UMAD1: variants seen among roughly 807,000 people sequenced by gnomAD.
UMAD1 encodes UBAP1-MVB12-associated (UMA)-domain containing protein 1.
In UMAD1, 8 loss-of-function variants were observed where a neutral mutation model predicts 6.1. The observed-to-expected ratio is 1.30, with a 90% CI of 0.76 to 2.35. The LOEUF is 2.35. Ranked by LOEUF, UMAD1 falls within the 30% of genes most tolerant of loss-of-function variation. The pLI is 0.00. For missense variants in UMAD1, 130 were observed against 78.4 expected, an observed-to-expected ratio of 1.66 and a Z score of -2.49; for synonymous variants, 56 against 31.4, an observed-to-expected ratio of 1.78 and a Z score of -2.61.
intron 3 of UMAD1, among the ~76,000 whole-genome samples, chr7:7,854,866 G>T (rs560384784): frequency 6.6e-6 from 1 of 152,290 alleles, no homozygotes; most frequent in East Asian, 1.9e-4. Context: ...ATCAAAGCAG[G>T]TTAGTTGCTT....
chr7:7,870,447 G>A (rs921325311), intron 3 of UMAD1, among the ~76,000 whole-genome samples: 1 of 152,154 alleles, frequency 6.6e-6, no homozygotes, highest in Admixed American at 6.5e-5. Flanking sequence ...TAACCAAAAG[G>A]TTAATTGAGT....
At chr7:7,822,374 G>T (rs1344807785) in intron 3 of UMAD1, among the ~76,000 whole-genome samples, 1 of 151,706 alleles carries the variant, frequency 6.6e-6, no homozygotes, top group South Asian at 2.1e-4. Flanking sequence ...AGTTAATCTT[G>T]TTCCAAAAAA....
chr7:7,777,985 ACT>A (rs1782254185), intron 2 of UMAD1, among the ~76,000 whole-genome samples: 1 of 152,002 alleles, frequency 6.6e-6, no homozygotes, highest in Admixed American at 6.6e-5. Context: ...TGAACATAAA[ACT>A]CTGAGACTGT....
In UMAD1 at chr7:7,748,042, T is replaced by C. The variant is rs1179184465; in HGVS notation, c.83-53628T>C. Among the ~76,000 whole-genome samples the C allele has an allele frequency of 3.9e-5, 6 of 152,116 alleles. No homozygotes were observed. In the East Asian group the frequency reaches 1.2e-3, roughly 29 times the overall value. Reference sequence around the variant, plus strand: ...ACCTCCGCCTCCTGGGTTCAAACGATTCTCCTGCCTCAGCCTCCTGAGTAG... The same window carrying C: ...ACCTCCGCCTCCTGGGTTCAAACGACTCTCCTGCCTCAGCCTCCTGAGTAG... On this transcript the variant is annotated intron_variant, in intron 2 of 3. Transcript: ENST00000682710.
intron 2 of UMAD1, among the ~76,000 whole-genome samples, chr7:7,721,108 A>G (rs1028669691): frequency 1.3e-5 from 2 of 152,206 alleles, no homozygotes; most frequent in Non-Finnish European, 2.9e-5. Context: ...CACCAGAGCT[A>G]GGAAGAGGCA....
chr7:7,773,565 A>G (rs1342416784), intron 2 of UMAD1, among the ~76,000 whole-genome samples: 1 of 152,214 alleles, frequency 6.6e-6, no homozygotes, highest in Non-Finnish European at 1.5e-5. Context: ...TTCTAAAAAA[A>G]AACACAATAA....
intron 3 of UMAD1, among the ~76,000 whole-genome samples, chr7:7,827,367 G>A (rs989944057): frequency 6.6e-6 from 1 of 152,034 alleles, no homozygotes; most frequent in Admixed American, 6.6e-5. Flanking sequence ...GCAGGCAAAC[G>A]AGAATAGCAG....
chr7:7,876,712 G>A (rs1016212958), intron 3 of UMAD1, among the ~76,000 whole-genome samples: 5 of 152,090 alleles, frequency 3.3e-5, no homozygotes, highest in African/African-American at 1.2e-4. Context: ...ATATATTACT[G>A]TCAAATAGTA....
intron 1 of UMAD1, among the ~76,000 whole-genome samples, chr7:7,647,845 G>A (rs1424458764): frequency 6.6e-6 from 1 of 152,158 alleles, no homozygotes; most frequent in African/African-American, 2.4e-5. Flanking sequence ...GCTCAAGCAA[G>A]CCTCCCTCCT....
intron 2 of UMAD1, among the ~76,000 whole-genome samples, chr7:7,791,446 C>G (rs564802105): frequency 5.9e-5 from 9 of 152,312 alleles, no homozygotes; most frequent in South Asian, 2.1e-4. Flanking sequence ...AGCAACAACA[C>G]AAAATCTTTC....
chr7:7,652,897 G>C (rs1385609278), intron 1 of UMAD1, among the ~76,000 whole-genome samples: 1 of 152,118 alleles, frequency 6.6e-6, no homozygotes, highest in Non-Finnish European at 1.5e-5. Context: ...GAATGTGATG[G>C]CTTCTATTTT....
intron 3 of UMAD1, among the ~76,000 whole-genome samples, chr7:7,822,929 A>G (rs937502133): frequency 1.3e-5 from 2 of 151,944 alleles, no homozygotes; most frequent in Non-Finnish European, 2.9e-5. Context: ...TCATGCCTCT[A>G]TATTTTTATG....
At chr7:7,773,974 T>C (rs1413868023) in intron 2 of UMAD1, among the ~76,000 whole-genome samples, 1 of 152,234 alleles carries the variant, frequency 6.6e-6, no homozygotes, top group Non-Finnish European at 1.5e-5. Context: ...ATGGCGGCTC[T>C]CTACTGATTT....
At chr7:7,661,713 C>T (rs745433142) in intron 1 of UMAD1, among the ~76,000 whole-genome samples, 13 of 152,182 alleles carry the variant, frequency 8.5e-5, no homozygotes, top group Non-Finnish European at 1.6e-4. Flanking sequence ...CAGATGCCAG[C>T]CAGAGCTCTC....
At chr7:7,740,134 C>G (rs1485448016) in intron 2 of UMAD1, among the ~76,000 whole-genome samples, 3 of 152,220 alleles carry the variant, frequency 2.0e-5, no homozygotes, top group Admixed American at 2.0e-4. Context: ...AGCAAGCTAT[C>G]ACTTTCATTT....
chr7:7,810,496 T>C (rs919105246), intron 3 of UMAD1, among the ~76,000 whole-genome samples: 1 of 152,162 alleles, frequency 6.6e-6, no homozygotes, highest in South Asian at 2.1e-4. Flanking sequence ...ATATAGTACT[T>C]AATTTTATAA....
At chr7:7,764,203 A>G (rs1411435795) in intron 2 of UMAD1, among the ~76,000 whole-genome samples, 1 of 152,156 alleles carries the variant, frequency 6.6e-6, no homozygotes, top group Non-Finnish European at 1.5e-5. Context: ...TCATCTTGCA[A>G]GCTCATTACA....
chr7:7,871,410 C>T (rs773647467), intron 3 of UMAD1, among the ~76,000 whole-genome samples: 37 of 152,158 alleles, frequency 2.4e-4, no homozygotes, highest in Non-Finnish European at 5.0e-4. Flanking sequence ...GTTTGATTAT[C>T]AGTTTCACCA....
chr7:7,771,228 T>C (rs555078125), intron 2 of UMAD1, among the ~76,000 whole-genome samples: 3 of 152,190 alleles, frequency 2.0e-5, no homozygotes, highest in African/African-American at 7.2e-5. Flanking sequence ...ATGTATTACA[T>C]TGCATTATTG....
Sources: gnomAD v4.1 joint callset for allele counts (sites outside exome capture counted in the v4.1 genomes callset) on GRCh38, gnomAD v4.1.1 for gene constraint, MANE v1.5 for transcripts, NCBI Gene and HGNC (gene_info 2026-07-23, HGNC 2026-07-21) for gene names.